SDK1: variants seen among roughly 807,000 people sequenced by gnomAD.
SDK1 encodes the protein sidekick cell adhesion molecule 1.
A neutral mutation model predicts 245.5 loss-of-function variants in SDK1; 157 were observed. The observed-to-expected ratio is 0.64, with a 90% CI of 0.56 to 0.73. The LOEUF is 0.73. Among genes scored for constraint, SDK1 ranks in the 30% least tolerant of loss-of-function variants. The pLI is 0.00. For missense variants in SDK1, 3,583 were observed against 3,002.3 expected (o/e 1.19, Z -4.52); for synonymous variants, 1,647 against 1,278.5 (o/e 1.29, Z -6.15).
chr7:3,456,263 A>G (rs1780662192), intron 1 of SDK1, among the ~76,000 whole-genome samples: 1 of 152,144 alleles, frequency 6.6e-6, no homozygotes, highest in South Asian at 2.1e-4. Flanking sequence ...CTTTTGCTAA[A>G]TTTGGGAAAT....
At chr7:3,902,916 T>A (rs1337972738) in intron 5 of SDK1, among the ~76,000 whole-genome samples, 1 of 152,060 alleles carries the variant, frequency 6.6e-6, no homozygotes, top group East Asian at 1.9e-4. Context: ...CATAAAGAAT[T>A]TTTACCACTC....
chr7:4,031,053 A>G (rs1385256393), intron 17 of SDK1, among the ~76,000 whole-genome samples: 1 of 152,218 alleles, frequency 6.6e-6, no homozygotes, highest in African/African-American at 2.4e-5. Context: ...ATACATATAC[A>G]TGTATACATA....
chr7:3,530,076 ACT>A (rs1183065703), intron 1 of SDK1, among the ~76,000 whole-genome samples: 4 of 152,068 alleles, frequency 2.6e-5, no homozygotes, highest in African/African-American at 9.7e-5. Context: ...AATTTTAAAG[ACT>A]CTCAAAAAGT....
chr7:4,052,571 T>C (rs1778939231), intron 19 of SDK1, among the ~76,000 whole-genome samples: 1 of 152,160 alleles, frequency 6.6e-6, no homozygotes, highest in Non-Finnish European at 1.5e-5. Flanking sequence ...TGATATAACA[T>C]TGTGAAATAA....
At chr7:3,968,528 A>C (rs1434735070) in intron 10 of SDK1, among the ~76,000 whole-genome samples, 1 of 152,220 alleles carries the variant, frequency 6.6e-6, no homozygotes, top group Non-Finnish European at 1.5e-5. Context: ...GATCAATAAC[A>C]GGGCTGGGCT....
chr7:4,105,770 A>G (rs906771170), intron 22 of SDK1, among the ~76,000 whole-genome samples: 1 of 152,186 alleles, frequency 6.6e-6, no homozygotes, highest in Non-Finnish European at 1.5e-5. Flanking sequence ...AAAGGCCCGG[A>G]TGCTCTCCAG....
intron 35 of SDK1, among the ~76,000 whole-genome samples, chr7:4,195,042 A>G (rs1387175201): frequency 6.6e-6 from 1 of 152,190 alleles, no homozygotes; most frequent in Admixed American, 6.5e-5. Flanking sequence ...CACTGAAACC[A>G]TGATGCAAAT....
At chr7:3,683,410 G>A (rs1047047297) in intron 4 of SDK1, among the ~76,000 whole-genome samples, 6 of 152,058 alleles carry the variant, frequency 3.9e-5, no homozygotes, top group Admixed American at 3.9e-4. Flanking sequence ...TTTTTGAGGC[G>A]AGTAGGTAGT....
At chr7:3,988,017 A>C (rs892617912) in intron 14 of SDK1, among the ~76,000 whole-genome samples, 2 of 151,456 alleles carry the variant, frequency 1.3e-5, no homozygotes, top group Non-Finnish European at 2.9e-5. Context: ...GAACATTTGT[A>C]TCCTTCACCC....
intron 5 of SDK1, among the ~76,000 whole-genome samples, chr7:3,947,973 C>G (rs1046919192): frequency 6.6e-6 from 1 of 152,020 alleles, no homozygotes; most frequent in African/African-American, 2.4e-5. Context: ...CTGTAATGTT[C>G]TTTTTAATTT....
intron 1 of SDK1, among the ~76,000 whole-genome samples, chr7:3,339,016 T>C (rs1780276183): frequency 6.6e-6 from 1 of 152,178 alleles, no homozygotes; most frequent in Non-Finnish European, 1.5e-5. Context: ...AGGATAGAGA[T>C]TGGCACAGTG....
intron 35 of SDK1, among the ~76,000 whole-genome samples, chr7:4,182,870 C>T (rs578253388): frequency 2.0e-4 from 30 of 152,322 alleles, no homozygotes; most frequent in Admixed American, 1.5e-3. Flanking sequence ...GGAATGTAAC[C>T]GCCCAGCAGG....
chr7:3,669,667 C>T (rs894489195), intron 4 of SDK1, among the ~76,000 whole-genome samples: 4 of 152,130 alleles, frequency 2.6e-5, no homozygotes, highest in African/African-American at 9.7e-5. Context: ...CTTATTCTCC[C>T]TCCTTAGGTA....
chr7:4,231,915 A>G (rs1785797505), intron 40 of SDK1, among the ~76,000 whole-genome samples: 1 of 152,198 alleles, frequency 6.6e-6, no homozygotes, highest in Non-Finnish European at 1.5e-5. Context: ...GGGTACACAC[A>G]TATCCAAATG....
At chr7:3,717,000 A>C (rs1447360303) in intron 4 of SDK1, among the ~76,000 whole-genome samples, 1 of 152,138 alleles carries the variant, frequency 6.6e-6, no homozygotes, top group East Asian at 1.9e-4. Flanking sequence ...GAAGAAAAAA[A>C]ATTTAATTCC....
intron 17 of SDK1, among the ~76,000 whole-genome samples, chr7:4,038,754 G>C (rs1788392235): frequency 6.6e-6 from 1 of 152,170 alleles, no homozygotes; most frequent in African/African-American, 2.4e-5. Flanking sequence ...CACAGTTGTG[G>C]TCCACTCATC....
At chr7:4,210,842 C>T (rs530869888) in intron 38 of SDK1, among the ~76,000 whole-genome samples, 5 of 152,312 alleles carry the variant, frequency 3.3e-5, no homozygotes, top group South Asian at 4.1e-4. Flanking sequence ...CAAACAACAG[C>T]CCGAGCGTGA....
In SDK1 at chr7:4,266,317, C is replaced by T. The variant is rs1788466086; in HGVS notation, c.*933C>T. 3.0e-6 allele frequency: 3 copies of T among 985,262 alleles called. No individual in the cohort carries two copies. The highest frequency in any genetic ancestry group is 2.4e-6 in the Non-Finnish European group (2 of 829,912). The allele number at this position is 985,262 out of a possible 1,614,324, so 61.0% of individuals were successfully genotyped here. ...GAAATGAATGCGTCTTTGCTGTCTC[C>T]AGGTGCCTTTTTATTAATTGTTCAG... On this transcript the variant is annotated 3_prime_UTR_variant, in exon 45 of 45. Transcript: ENST00000404826.
intron 4 of SDK1, among the ~76,000 whole-genome samples, chr7:3,666,424 T>C (rs1562642318): frequency 6.6e-6 from 1 of 152,202 alleles, no homozygotes; most frequent in Non-Finnish European, 1.5e-5. Flanking sequence ...GATTTTATCT[T>C]ACATTTCAGA....
Sources: gnomAD v4.1 joint callset for allele counts (sites outside exome capture counted in the v4.1 genomes callset) on GRCh38, gnomAD v4.1.1 for gene constraint, MANE v1.5 for transcripts, NCBI Gene and HGNC (gene_info 2026-07-23, HGNC 2026-07-21) for gene names.